STPG2: variants seen among roughly 807,000 people sequenced by gnomAD.
STPG2 encodes the protein sperm tail PG-rich repeat containing 2.
A neutral mutation model predicts 54.2 loss-of-function variants in STPG2; 56 were observed. The ratio of observed to expected loss-of-function variants is 1.03; its 90% CI spans 0.83 to 1.29. The LOEUF is 1.29. STPG2 is among the 50% of genes most tolerant of loss of function. The pLI, the probability that STPG2 is intolerant of heterozygous loss-of-function variation, is 0.00. For synonymous variants in STPG2, 200 were observed against 181.8 expected, an observed-to-expected ratio of 1.10 and a Z score of -0.81; for missense variants, 596 against 544.9, an observed-to-expected ratio of 1.09 and a Z score of -0.93.
intron 5 of STPG2, among the ~76,000 whole-genome samples, chr4:98,082,015 T>C (rs569965334): frequency 1.3e-5 from 2 of 152,306 alleles, no homozygotes; most frequent in African/African-American, 2.4e-5. Flanking sequence ...CTGAGAAGCA[T>C]TGTCTCATAG....
intron 10 of STPG2, among the ~76,000 whole-genome samples, chr4:97,631,010 C>T (rs1247781897): frequency 6.6e-6 from 1 of 151,814 alleles, no homozygotes; most frequent in Non-Finnish European, 1.5e-5. Flanking sequence ...GAACTATAGT[C>T]TTAAAGTATT....
At chr4:97,859,784 C>G (rs1729457646) in intron 8 of STPG2, among the ~76,000 whole-genome samples, 1 of 152,148 alleles carries the variant, frequency 6.6e-6, no homozygotes, top group African/African-American at 2.4e-5. Context: ...AGTCCTTGGT[C>G]ATCAACTCTT....
chr4:98,000,261 A>T (rs148346728), intron 5 of STPG2, among the ~76,000 whole-genome samples: 1 of 152,090 alleles, frequency 6.6e-6, no homozygotes, highest in Admixed American at 6.6e-5. Context: ...CTGTTATGTC[A>T]TCTTATAATA....
At chr4:98,122,993 T>C (rs1397062401) in intron 3 of STPG2, among the ~76,000 whole-genome samples, 3 of 152,198 alleles carry the variant, frequency 2.0e-5, no homozygotes, top group African/African-American at 7.2e-5. Flanking sequence ...CAGAGGTGTT[T>C]ATAGTATCCT....
intron 10 of STPG2, among the ~76,000 whole-genome samples, chr4:97,612,656 G>A (rs181634095): frequency 6.6e-6 from 1 of 152,064 alleles, no homozygotes. Flanking sequence ...GGAGGCTGGG[G>A]AATATAGCCC....
At chr4:98,140,893 T>G (rs1037342288) in intron 1 of STPG2, among the ~76,000 whole-genome samples, 34 of 152,216 alleles carry the variant, frequency 2.2e-4, no homozygotes, top group African/African-American at 8.2e-4. Context: ...AAGCTCACCT[T>G]AGAGACATAA....
rs536036442 is a variant in STPG2, at chr4:97,594,852, C to T, written c.1321-35735G>A. 1.0e-3 allele frequency among the ~76,000 whole-genome samples: 155 copies of T among 152,292 alleles called. 3 individuals are homozygous for T. The highest frequency in any genetic ancestry group is 3.6e-3 in the African/African-American group (150 of 41,560). ...GCATATATTCAGTATTCTTAAAATG[C>T]TCATCATCACTGGCCTTCAGAGAAA... On this transcript the variant is annotated intron_variant, in intron 10 of 10. Transcript: ENST00000295268.
intron 9 of STPG2, among the ~76,000 whole-genome samples, chr4:97,778,092 G>A (rs1198399560): frequency 6.6e-6 from 1 of 152,162 alleles, no homozygotes; most frequent in East Asian, 1.9e-4. Flanking sequence ...AGCCCACCGA[G>A]CATAAGCCAA....
intron 8 of STPG2, among the ~76,000 whole-genome samples, chr4:97,899,262 C>A (rs1022990339): frequency 1.3e-5 from 2 of 151,834 alleles, no homozygotes; most frequent in Non-Finnish European, 2.9e-5. Flanking sequence ...ATACAACTAA[C>A]CAGAGAGGTG....
At chr4:97,931,787 A>C (rs746960921) in intron 8 of STPG2, among the ~76,000 whole-genome samples, 81 of 151,734 alleles carry the variant, frequency 5.3e-4, no homozygotes, top group Non-Finnish European at 9.4e-4. Context: ...CCTTCTCCTC[A>C]ATTTTTTTTA....
At chr4:97,686,538 T>C (rs1723193610) in intron 10 of STPG2, among the ~76,000 whole-genome samples, 1 of 152,100 alleles carries the variant, frequency 6.6e-6, no homozygotes, top group Admixed American at 6.6e-5. Context: ...GAGGTTAGAA[T>C]CCTGGAATGC....
intron 9 of STPG2, among the ~76,000 whole-genome samples, chr4:97,770,126 G>C (rs1305701324): frequency 6.6e-6 from 1 of 152,120 alleles, no homozygotes; most frequent in South Asian, 2.1e-4. Context: ...CAGGAAAGTC[G>C]CTTGAACCTG....
chr4:98,098,602 C>T (rs1738930232), intron 5 of STPG2, among the ~76,000 whole-genome samples: 1 of 151,916 alleles, frequency 6.6e-6, no homozygotes, highest in Non-Finnish European at 1.5e-5. Context: ...CACAGGTAAC[C>T]AAAGCAAAAA....
intron 8 of STPG2, among the ~76,000 whole-genome samples, chr4:97,885,407 T>C (rs1730526704): frequency 6.6e-6 from 1 of 152,204 alleles, no homozygotes; most frequent in South Asian, 2.1e-4. Flanking sequence ...ATATCACGTG[T>C]TACCATAGTC....
At chr4:97,922,097 C>A (rs1402390205) in intron 8 of STPG2, among the ~76,000 whole-genome samples, 2 of 152,080 alleles carry the variant, frequency 1.3e-5, no homozygotes, top group Non-Finnish European at 2.9e-5. Flanking sequence ...GATGAATAAG[C>A]TGCATGATGA....
chr4:97,560,525 G>A (rs1009589789), intron 10 of STPG2, among the ~76,000 whole-genome samples: 3 of 152,150 alleles, frequency 2.0e-5, no homozygotes, highest in African/African-American at 7.2e-5. Flanking sequence ...TATCAGACAC[G>A]AGCAATGAAA....
chr4:97,880,454 T>C (rs760756984), intron 8 of STPG2, among the ~76,000 whole-genome samples: 7 of 152,296 alleles, frequency 4.6e-5, no homozygotes, highest in Middle Eastern at 3.4e-3. Context: ...ATCTATTTCA[T>C]TTAGAAGCAG....
intron 9 of STPG2, among the ~76,000 whole-genome samples, chr4:97,745,523 A>G (rs754402528): frequency 5.8e-4 from 87 of 151,240 alleles, no homozygotes; most frequent in Non-Finnish European, 7.7e-4. Flanking sequence ...TAATTATGAA[A>G]TATCACAGCT....
At chr4:97,829,554 G>T (rs1578600645) in intron 9 of STPG2, among the ~76,000 whole-genome samples, 1 of 152,264 alleles carries the variant, frequency 6.6e-6, no homozygotes, top group East Asian at 1.9e-4. Flanking sequence ...CACTTCAGAA[G>T]GTGGGTAATA....
Sources: allele counts gnomAD v4.1 joint callset (sites outside exome capture counted in the v4.1 genomes callset), GRCh38; gene constraint gnomAD v4.1.1; transcripts MANE v1.5; gene names NCBI Gene and HGNC (gene_info 2026-07-23, HGNC 2026-07-21).